The following KDM8 variants were observed in gnomAD, a reference collection of about 807,000 sequenced individuals.
KDM8 encodes the protein lysine demethylase 8, also known as bifunctional peptidase and arginyl-hydroxylase JMJD5.
Under a neutral mutation model 46.9 loss-of-function variants are expected in KDM8, and 35 were observed. The ratio of observed to expected loss-of-function variants is 0.75; its 90% confidence interval spans 0.57 to 0.99. KDM8 has a LOEUF of 0.99. Ranked by LOEUF, KDM8 falls within the 50% of genes least tolerant of loss-of-function variation. KDM8 has a pLI of 0.00. For synonymous variants in KDM8, 232 were observed against 227.7 expected, an observed-to-expected ratio of 1.02 and a Z score of -0.17; for missense variants, 475 against 537.0, an observed-to-expected ratio of 0.88 and a Z score of 1.14.
chr16:27,216,676 T>C (rs1319067774), intron 5 of KDM8, among the ~76,000 whole-genome samples: 3 of 152,024 alleles, frequency 2.0e-5, no homozygotes, highest in African/African-American at 7.2e-5. Context: ...CCAGGGCCAG[T>C]AGGGGCTGTG....
At position 27,219,014 on chromosome 16, in the gene KDM8, T is replaced by C; in HGVS notation, c.897T>C (p.Asp299=). 1 of 1,614,100 alleles carries C rather than the reference T, an allele frequency of 6.2e-7. No individual in the cohort carries two copies. The highest frequency in any genetic ancestry group is 8.5e-7 in the Non-Finnish European group (1 of 1,180,000). The part of the protein sequence containing the change: ...ISIPDYCSLG[D]GEEEEITINA... The stretch of plus-strand genomic sequence containing the variant: ...TCCCCGACTACTGCAGCCTGGGCGA[T>C]GGGGAGGAGGAGGAAATCACCATCA... Residue 299 remains aspartate (D), a synonymous_variant, in exon 6 of 8, where the codon GAT becomes GAC. Transcript: ENST00000286096.
rs369229157 is a variant in KDM8 at position 27,214,972 on chromosome 16, G to C, written c.762G>C (p.Thr254=). Residue 254 remains threonine (T), a synonymous_variant, in exon 4 of 8, where the codon ACG becomes ACC. Transcript: ENST00000286096. ...AGGAATGGTCCCAGACCCTCATGAC[G>C]GTCAACGAGTTCATCAGCAAATACA... ...TDEEWSQTLM[T]VNEFISKYIV... 6.2e-7 allele frequency: 1 copy of C among 1,614,146 alleles called. No homozygotes were observed. The highest frequency in any genetic ancestry group is 8.5e-7 in the Non-Finnish European group (1 of 1,180,018).
chr16:27,214,768 T>C (rs1423124022), intron 3 of KDM8, 108 bp from the exon 4 acceptor site: 1 of 1,268,814 alleles, frequency 7.9e-7, no homozygotes, highest in Non-Finnish European at 1.1e-6. Flanking sequence ...TCCTTGTCTC[T>C]GCACGTGAGG....
At chr16:27,215,381 A>T (rs2083539135) in intron 4 of KDM8, among the ~76,000 whole-genome samples, 1 of 152,130 alleles carries the variant, frequency 6.6e-6, no homozygotes, top group South Asian at 2.1e-4. Flanking sequence ...GGAGTTCAAG[A>T]CCAGCCTGGG....
intron 2 of KDM8, chr16:27,210,999 G>T: frequency 2.8e-6 from 1 of 359,352 alleles, no homozygotes; most frequent in Non-Finnish European, 5.4e-6. Flanking sequence ...GGCTAATCTG[G>T]AACTCCTGGC....
At chr16:27,207,705 G>A (rs1009680490) in intron 1 of KDM8, among the ~76,000 whole-genome samples, 5 of 152,180 alleles carry the variant, frequency 3.3e-5, no homozygotes, top group African/African-American at 4.8e-5. Flanking sequence ...TTCAGCTCCC[G>A]GAGTAGCTGG....
chr16:27,206,199 A>G, intron 1 of KDM8: 1 of 983,330 alleles, frequency 1.0e-6, no homozygotes, highest in Non-Finnish European at 1.2e-6. Flanking sequence ...GGAACTGGCA[A>G]GTCACACATC....
intron 5 of KDM8, among the ~76,000 whole-genome samples, chr16:27,217,151 T>C (rs1272243197): frequency 2.6e-5 from 4 of 152,182 alleles, no homozygotes; most frequent in Non-Finnish European, 5.9e-5. Context: ...CCAGGTGTTA[T>C]CATGCCGTGT....
chr16:27,215,425 T>C (rs546687096), intron 4 of KDM8, among the ~76,000 whole-genome samples: 2 of 152,102 alleles, frequency 1.3e-5, no homozygotes, highest in Admixed American at 6.5e-5. Context: ...ATAAAAAATA[T>C]AAAAATTAGC....
At chr16:27,215,401 G>A (rs544208476) in intron 4 of KDM8, among the ~76,000 whole-genome samples, 1 of 152,198 alleles carries the variant, frequency 6.6e-6, no homozygotes, top group Non-Finnish European at 1.5e-5. Flanking sequence ...GAAACATAGT[G>A]AAACCCTGTC....
intron 5 of KDM8, among the ~76,000 whole-genome samples, chr16:27,218,698 A>T (rs1488831485): frequency 6.6e-6 from 1 of 152,208 alleles, no homozygotes; most frequent in Non-Finnish European, 1.5e-5. Context: ...AATTAAAAAA[A>T]AATTAGCCGG....
At position 27,221,724 on chromosome 16, in the gene KDM8, G is replaced by GT. The variant is rs1202623897; in HGVS notation, c.*1000dup. ...CCATTAAGATTTTCCCCAGCCCTCT[G>GT]TTTTTTGTTTTTTAAACTAAATAGA... On this transcript the variant is annotated 3_prime_UTR_variant, in exon 8 of 8. Transcript: ENST00000286096. 6.6e-6 allele frequency: 1 copy of GT among 152,280 alleles called. No individual in the cohort carries two copies. The highest frequency in any genetic ancestry group is 1.5e-5 in the Non-Finnish European group (1 of 68,098). The allele number at this position is 152,280 out of a possible 1,614,324, so 9.4% of individuals were successfully genotyped here. A position where few individuals can be genotyped will look rare whatever the true frequency, so the allele number is the denominator to read the frequency against.
At chr16:27,208,394 C>T (rs1254559719) in intron 1 of KDM8, among the ~76,000 whole-genome samples, 2 of 152,170 alleles carry the variant, frequency 1.3e-5, no homozygotes, top group Admixed American at 1.3e-4. Flanking sequence ...TAAGGTCACC[C>T]TGAAACACCA....
intron 1 of KDM8, 28 bp from the exon 2 acceptor site, chr16:27,210,065 T>C: frequency 6.4e-7 from 1 of 1,568,508 alleles, no homozygotes; most frequent in Non-Finnish European, 8.6e-7. Flanking sequence ...TCCTGGTGTC[T>C]AACTCTTGTT....
At chr16:27,218,701 T>G (rs1404107912) in intron 5 of KDM8, among the ~76,000 whole-genome samples, 2 of 151,954 alleles carry the variant, frequency 1.3e-5, no homozygotes, top group Non-Finnish European at 2.9e-5. Context: ...TAAAAAAAAA[T>G]TAGCCGGGTG....
At chr16:27,204,265 G>T (rs2083406608) in intron 1 of KDM8, 1 of 1,403,616 alleles carries the variant, frequency 7.1e-7, no homozygotes, top group Admixed American at 3.4e-5. Context: ...GCATCGGTGC[G>T]TTTCCCGGCA....
rs377079342 is a variant in KDM8 at position 27,210,621 on chromosome 16, G to A, written c.498G>A (p.Lys166=). 3 of 1,506,616 alleles carry A rather than the reference G, an allele frequency of 2.0e-6. No homozygotes were observed. The highest frequency in any genetic ancestry group is 2.7e-5 in the South Asian group (2 of 73,418). 93.3% of individuals were successfully genotyped at this position (1,506,616 alleles called of 1,614,324 possible). A position where few individuals can be genotyped will look rare whatever the true frequency, so the allele number is the denominator to read the frequency against. The change falls in exon 2 of 8, where the codon AAG becomes AAA. Residue 166 remains lysine (K), a splice_region_variant and synonymous_variant. Coordinates refer to ENST00000286096, the MANE Select transcript of KDM8 (RefSeq NM_024773.3). The part of the protein sequence containing the change: ...RGSLPEQPCT[K]KARADHGLIP... ...CCCTCCCAGAGCAACCCTGCACAAA[G>A]GTATGTGGGGGAGATTCTCCCCAAG...
intron 4 of KDM8, among the ~76,000 whole-genome samples, chr16:27,215,645 C>T (rs769198009): frequency 6.6e-6 from 1 of 152,200 alleles, no homozygotes; most frequent in African/African-American, 2.4e-5. Flanking sequence ...ATACTTTCAC[C>T]AGCAATTAAC....
Position 27,221,530 on chromosome 16 carries a change from G to A in KDM8, c.*800G>A, listed in dbSNP as rs12924923. ...CAGGCTCCCAAGTGAAGAAACCACC[G>A]AACCATCACCAGCTCCTAGAAGCCT... On this transcript the variant is annotated 3_prime_UTR_variant, in exon 8 of 8. Coordinates refer to ENST00000286096, the MANE Select transcript of KDM8 (RefSeq NM_024773.3). 77,885 of 152,238 alleles carry A rather than the reference G, an allele frequency of 0.51. 20,837 individuals carry two copies. Among genetic ancestry groups the A allele is most frequent in the East Asian group, 0.89 (4,592 of 5,162 alleles). The allele number at this position is 152,238 out of a possible 1,614,324, so 9.4% of individuals were successfully genotyped here.
Sources: allele counts gnomAD v4.1 joint callset (sites outside exome capture counted in the v4.1 genomes callset), GRCh38; gene constraint gnomAD v4.1.1; transcripts MANE v1.5; gene names NCBI Gene and HGNC (gene_info 2026-07-23, HGNC 2026-07-21).